The following FGF13 variants were observed in gnomAD, a reference collection of about 807,000 sequenced individuals.
FGF13 encodes fibroblast growth factor homologous factor 2.
In FGF13, 2 loss-of-function variants were observed where a neutral mutation model predicts 19.5. That is an observed-to-expected ratio of 0.10 (90% CI 0.04 to 0.32). The LOEUF (loss-of-function observed/expected upper bound fraction) is 0.32. FGF13 is among the 10% of genes least tolerant of loss of function. FGF13 has a pLI of 1.00. For synonymous variants in FGF13, 72 were observed against 76.9 expected (o/e 0.94, Z 0.33); for missense variants, 113 against 192.7 (o/e 0.59, Z 2.45).
At chrX:138,982,236 T>G (rs746926124) in intron 1 of FGF13, among the ~76,000 whole-genome samples, 1 of 111,602 alleles carries the variant, frequency 9.0e-6, no homozygotes, top group South Asian at 3.8e-4. Context: ...ATGATTTTGT[T>G]AAGGGACGTA....
intron 1 of FGF13, among the ~76,000 whole-genome samples, chrX:139,141,547 A>T (rs1167798349): frequency 9.0e-6 from 1 of 111,469 alleles, no homozygotes; most frequent in Admixed American, 9.5e-5. Context: ...CTGTTTCTCT[A>T]TCATGGTATT....
chrX:138,625,087 C>CT lies in FGF13; in HGVS notation c.*7762dup, dbSNP rs1309894225. 9.0e-6 allele frequency: 1 copy of CT among 110,654 alleles called. No individual in the cohort carries two copies. Among genetic ancestry groups the CT allele is most frequent in the Non-Finnish European group, 1.9e-5 (1 of 52,951 alleles). 9.1% of individuals were successfully genotyped at this position (110,654 alleles called of 1,213,427 possible). A position where few individuals can be genotyped will look rare whatever the true frequency, so the allele number is the denominator to read the frequency against. ...TGGCCAACATATATCTGAAAAGGTA[C>CT]TTAACATCATTAATCATAAGGGAAA... On this transcript the variant is annotated 3_prime_UTR_variant, in exon 5 of 5. Transcript: ENST00000315930.
intron 1 of FGF13, among the ~76,000 whole-genome samples, chrX:139,114,800 A>G (rs939824431): frequency 8.9e-6 from 1 of 112,083 alleles, no homozygotes; most frequent in South Asian, 3.7e-4. Flanking sequence ...AGAATGCTCT[A>G]CATCAGGAAA....
intron 3 of FGF13, among the ~76,000 whole-genome samples, chrX:138,836,518 T>C (rs1210349564): frequency 8.9e-6 from 1 of 112,252 alleles, no homozygotes; most frequent in African/African-American, 3.2e-5. Flanking sequence ...AGTCTTGTAG[T>C]GTATTTTTCA....
At chrX:139,201,813 C>T (rs2084417312) in intron 1 of FGF13, among the ~76,000 whole-genome samples, 1 of 112,114 alleles carries the variant, frequency 8.9e-6, no homozygotes, top group African/African-American at 3.2e-5. Flanking sequence ...GGCTACTACA[C>T]ACTTAATATT....
At position 138,711,262 on chromosome X, in the gene FGF13, C is replaced by CCGGAGTCGACGCCACAGCCCCGGG. The variant is rs2090043818; in HGVS notation, c.-260_-259insCCCGGGGCTGTGGCGTCGACTCCG. On this transcript the variant is annotated 5_prime_UTR_variant, in exon 1 of 5. Coordinates refer to ENST00000315930, the MANE Select transcript of FGF13 (RefSeq NM_004114.5). ...TCGGAGTCGACGCCACAGCCCCGGG[C>CCGGAGTCGACGCCACAGCCCCGGG]CCGGGATCGCGGGCGAGACTGGCAC... 3 of 2,283 alleles carry CCGGAGTCGACGCCACAGCCCCGGG rather than the reference C, an allele frequency of 1.3e-3. No individual in the cohort carries two copies. The African/African-American group carries it at 0.062, about 48-fold the overall frequency. 0.2% of individuals were successfully genotyped at this position (2,283 alleles called of 1,213,427 possible).
intron 1 of FGF13, among the ~76,000 whole-genome samples, chrX:139,152,300 C>G (rs771735776): frequency 1.0e-5 from 1 of 96,225 alleles, no homozygotes; most frequent in Non-Finnish European, 2.1e-5. Flanking sequence ...GGGCGATTAC[C>G]GATGTGATTA....
chrX:138,918,061 C>T (rs2886892), intron 1 of FGF13, among the ~76,000 whole-genome samples: 11,217 of 110,182 alleles, frequency 0.1, 1,396 homozygotes, highest in African/African-American at 0.35. Flanking sequence ...TGTGTCTGTG[C>T]CTATGATGGG....
intron 1 of FGF13, among the ~76,000 whole-genome samples, chrX:138,914,211 A>T (rs1209355957): frequency 9.4e-6 from 1 of 106,557 alleles, no homozygotes; most frequent in African/African-American, 3.4e-5. Flanking sequence ...TGGCCAATAA[A>T]GTATTGAGAT....
In FGF13 at chrX:138,620,009, A is replaced by T. The variant is rs1383211710; in HGVS notation, c.*12841T>A. The T allele has an allele frequency of 1.5e-4, 17 of 111,918 alleles. No homozygotes were observed. The Admixed American group carries it at 1.6e-3, about 11-fold the overall frequency. The allele number at this position is 111,918 out of a possible 1,213,427, so 9.2% of individuals were successfully genotyped here. ...ATAAATCATTCTATTACAAAGATACATGCACGCATATGTTCACTGCAGCAC... is the reference window on the plus strand; with the variant it reads ...ATAAATCATTCTATTACAAAGATACTTGCACGCATATGTTCACTGCAGCAC... On this transcript the variant is annotated 3_prime_UTR_variant, in exon 5 of 5. Transcript: ENST00000315930.
intron 1 of FGF13, among the ~76,000 whole-genome samples, chrX:139,111,930 G>C (rs1044309104): frequency 1.8e-5 from 2 of 111,672 alleles, no homozygotes; most frequent in African/African-American, 6.5e-5. Context: ...CCCCCAGCCT[G>C]GGCTGTTTCT....
At chrX:138,647,519 G>A (rs1406401644) in intron 3 of FGF13, among the ~76,000 whole-genome samples, 1 of 111,660 alleles carries the variant, frequency 9.0e-6, no homozygotes, top group Non-Finnish European at 1.9e-5. Context: ...TCCTAAAAAT[G>A]CAATGCTTTA....
At chrX:139,053,847 G>A (rs1200048107) in intron 1 of FGF13, among the ~76,000 whole-genome samples, 1 of 111,155 alleles carries the variant, frequency 9.0e-6, no homozygotes, top group Admixed American at 9.6e-5. Context: ...TGTCTGGAAG[G>A]GTTTTTCCAA....
intron 1 of FGF13, among the ~76,000 whole-genome samples, chrX:138,923,935 G>A (rs934569023): frequency 1.8e-5 from 2 of 111,876 alleles, no homozygotes; most frequent in Non-Finnish European, 3.8e-5. Context: ...CCATTACCAA[G>A]GAAATCTCTC....
intron 1 of FGF13, among the ~76,000 whole-genome samples, chrX:138,981,318 TACACACACACACACAC>T (rs57954256): frequency 0.036 from 3,451 of 96,983 alleles, 63 homozygotes; most frequent in Non-Finnish European, 0.054. Flanking sequence ...ATTGTGTGCT[TACACACACACACACAC>T]ACACACACAC....
chrX:138,976,145 C>T (rs777732770), intron 1 of FGF13, among the ~76,000 whole-genome samples: 34 of 111,561 alleles, frequency 3.0e-4, no homozygotes, highest in African/African-American at 9.1e-4. Flanking sequence ...CCCTTGTGAC[C>T]ACCGGAAACA....
In FGF13 at chrX:138,910,462, G is replaced by A. The variant is rs369193512; in HGVS notation, c.-112-45812C>T. 4.5e-5 allele frequency among the ~76,000 whole-genome samples: 5 copies of A among 111,720 alleles called. No individual in the cohort carries two copies. In the East Asian group the frequency reaches 1.1e-3, roughly 26 times the overall value. On this transcript the variant is annotated intron_variant, in intron 1 of 2. Coordinates refer to the FGF13 transcript ENST00000421460. ...GTAGAGGCCAAAGCATAGGAAGATG[G>A]CAGCATCAACTTAAAGAAGTCCCAA...
At chrX:139,172,164 A>G (rs2084139068) in intron 1 of FGF13, among the ~76,000 whole-genome samples, 1 of 112,190 alleles carries the variant, frequency 8.9e-6, no homozygotes, top group South Asian at 3.7e-4. Flanking sequence ...GCTGCTCCAT[A>G]AAATTCCCAT....
At chrX:139,178,416 T>C (rs186634875) in intron 1 of FGF13, among the ~76,000 whole-genome samples, 1 of 112,139 alleles carries the variant, frequency 8.9e-6, no homozygotes, top group African/African-American at 3.2e-5. Flanking sequence ...TTTGCAAACA[T>C]CAGTATTTCT....
Sources: allele counts gnomAD v4.1 joint callset (sites outside exome capture counted in the v4.1 genomes callset), GRCh38; gene constraint gnomAD v4.1.1; transcripts MANE v1.5; gene names NCBI Gene and HGNC (gene_info 2026-07-23, HGNC 2026-07-21).